HDGFL3: variants seen among roughly 807,000 people sequenced by gnomAD.
HDGFL3 encodes hepatoma-derived growth factor-related protein 3.
In HDGFL3, 6 loss-of-function variants were observed where a neutral mutation model predicts 27.6. The observed-to-expected ratio is 0.22, with a 90% CI of 0.12 to 0.43. The LOEUF (loss-of-function observed/expected upper bound fraction) is 0.43, where lower values mean the gene tolerates loss of function less well. Ranked by LOEUF, HDGFL3 falls within the 20% of genes least tolerant of loss-of-function variation. The probability of loss-of-function intolerance (pLI) is 1.00; values close to 1 mark genes in which losing one functional copy is unlikely to be tolerated. For missense variants in HDGFL3, 207 were observed against 250.1 expected, an observed-to-expected ratio of 0.83 and a Z score of 1.16; for synonymous variants, 88 against 88.9, an observed-to-expected ratio of 0.99 and a Z score of 0.05.
At chr15:83,113,145 C>T (rs2034347172) in exon 4 of HDGFL3, 2 of 555,996 alleles carry the variant, frequency 3.6e-6, no homozygotes, top group Non-Finnish European at 6.5e-6. Flanking sequence ...GGGCACCCTG[C>T]CAACCCCAGC....
chr15:83,149,691 C>A (rs1317152464), intron 5 of HDGFL3, among the ~76,000 whole-genome samples: 1 of 151,996 alleles, frequency 6.6e-6, no homozygotes, highest in Non-Finnish European at 1.5e-5. Context: ...GTTAAGTCAT[C>A]AGGAGGAGGA....
chr15:83,162,235 C>T (rs1431324173), intron 2 of HDGFL3, among the ~76,000 whole-genome samples: 1 of 152,118 alleles, frequency 6.6e-6, no homozygotes, highest in African/African-American at 2.4e-5. Flanking sequence ...AGAGGGTGAA[C>T]ATTCATACTT....
At chr15:83,121,881 A>C (rs1176113637) in intron 3 of HDGFL3, 1 of 1,498,840 alleles carries the variant, frequency 6.7e-7, no homozygotes, top group African/African-American at 1.4e-5. Flanking sequence ...TTCTAAGACA[A>C]ACATACCAAG....
downstream of HDGFL3, chr15:83,127,740 T>A (rs2035895197): frequency 2.7e-6 from 1 of 364,312 alleles, no homozygotes; most frequent in Admixed American, 4.8e-5. Context: ...TGCCCAAGGT[T>A]ACACACCCAG....
intron 1 of HDGFL3, among the ~76,000 whole-genome samples, chr15:83,203,279 A>G (rs2037672875): frequency 6.6e-6 from 1 of 152,014 alleles, no homozygotes; most frequent in African/African-American, 2.4e-5. Context: ...AAGAAAACAG[A>G]ATTTTGATTT....
At position 83,118,403 on chromosome 15, in the gene HDGFL3, G is replaced by A. The variant is rs138050153; in HGVS notation, c.394-2662C>T. ...TTAAAGATGCTCATCAAGCTACCAG[G>A]AGAGGCCAGCACTGGCTCAGAGAGC... On this transcript the variant is annotated intron_variant, in intron 3 of 3. Coordinates refer to the HDGFL3 transcript ENST00000568294. 1.5e-3 allele frequency among the ~76,000 whole-genome samples: 221 copies of A among 152,322 alleles called. 3 individuals carry two copies. In the South Asian group the frequency reaches 0.016, roughly 11 times the overall value.
At chr15:83,202,496 TATA>T (rs1441154515) in intron 1 of HDGFL3, among the ~76,000 whole-genome samples, 2 of 152,038 alleles carry the variant, frequency 1.3e-5, no homozygotes, top group Admixed American at 6.6e-5. Flanking sequence ...ATGAAGTTTC[TATA>T]ATAAGTCAAA....
At chr15:83,114,506 A>C (rs1329124544) in exon 4 of HDGFL3, 1 of 152,404 alleles carries the variant, frequency 6.6e-6, no homozygotes, top group Non-Finnish European at 1.5e-5. Flanking sequence ...ACTGCCAATG[A>C]GAACTGGGCC....
intron 5 of HDGFL3, among the ~76,000 whole-genome samples, chr15:83,144,197 G>A (rs542094242): frequency 1.3e-4 from 20 of 152,280 alleles, no homozygotes; most frequent in Admixed American, 7.8e-4. Context: ...TGGTAACCTT[G>A]TGATTTAGCG....
chr15:83,154,735 C>T (rs901531630), intron 4 of HDGFL3, among the ~76,000 whole-genome samples: 14 of 152,144 alleles, frequency 9.2e-5, no homozygotes, highest in Non-Finnish European at 2.1e-4. Context: ...TACAGTATAA[C>T]TATTCAATGT....
chr15:83,186,241 T>G (rs980680220), intron 1 of HDGFL3, among the ~76,000 whole-genome samples: 4 of 152,252 alleles, frequency 2.6e-5, no homozygotes, highest in African/African-American at 9.6e-5. Flanking sequence ...CAACTTGTTA[T>G]ACAGCAAAAT....
intron 1 of HDGFL3, among the ~76,000 whole-genome samples, chr15:83,164,392 A>AAAAAAAAAAAAAAAAAAAAAAT: frequency 6.6e-6 from 1 of 150,588 alleles, no homozygotes; most frequent in African/African-American, 2.4e-5. Context: ...AAAAAAAAAA[A>AAAAAAAAAAAAAAAAAAAAAAT]AAGAATACAA....
intron 2 of HDGFL3, among the ~76,000 whole-genome samples, chr15:83,161,978 T>A (rs2037107416): frequency 6.6e-6 from 1 of 152,136 alleles, no homozygotes; most frequent in South Asian, 2.1e-4. Context: ...GTCACCTACA[T>A]CAGAATTAGA....
At chr15:83,150,222 A>T (rs1217358621) in intron 5 of HDGFL3, among the ~76,000 whole-genome samples, 1 of 152,188 alleles carries the variant, frequency 6.6e-6, no homozygotes, top group East Asian at 1.9e-4. Flanking sequence ...TGCTACTTGC[A>T]TATTGAAGCG....
downstream of HDGFL3, among the ~76,000 whole-genome samples, chr15:83,127,154 A>T (rs565071824): frequency 1.3e-3 from 205 of 152,116 alleles, 1 homozygote; most frequent in Middle Eastern, 3.4e-3. Context: ...AGATTGCGCC[A>T]CTGCACTCCA....
chr15:83,191,180 T>C (rs2037506751), intron 1 of HDGFL3, among the ~76,000 whole-genome samples: 1 of 152,176 alleles, frequency 6.6e-6, no homozygotes, highest in African/African-American at 2.4e-5. Flanking sequence ...TTTGAACAAT[T>C]CTGTGTGTTG....
chr15:83,145,062 G>C (rs1596545598), intron 5 of HDGFL3, among the ~76,000 whole-genome samples: 1 of 151,578 alleles, frequency 6.6e-6, no homozygotes, highest in East Asian at 1.9e-4. Flanking sequence ...GAGCCTCTGG[G>C]AGCAAAAAGG....
chr15:83,176,000 TA>T (rs1165797099), intron 1 of HDGFL3, among the ~76,000 whole-genome samples: 2 of 152,234 alleles, frequency 1.3e-5, no homozygotes, highest in Non-Finnish European at 2.9e-5. Context: ...TTATTCCCTA[TA>T]ATGGGATGAT....
chr15:83,129,887 G>A lies in HDGFL3; in HGVS notation c.*9383C>T, dbSNP rs778376500. On this transcript the variant is annotated 3_prime_UTR_variant, in exon 6 of 6. Transcript: ENST00000299633. The stretch of plus-strand genomic sequence containing the variant: ...CCTTTTTTTTTGGCCTGGTTCCTCT[G>A]CCTTATTCTCCTGTATCCTTCAGAA... 6.6e-6 allele frequency: 1 copy of A among 152,232 alleles called. No individual in the cohort carries two copies. The highest frequency in any genetic ancestry group is 1.5e-5 in the Non-Finnish European group (1 of 68,122). The allele number at this position is 152,232 out of a possible 1,614,324, so 9.4% of individuals were successfully genotyped here.
Sources: allele counts gnomAD v4.1 joint callset (sites outside exome capture counted in the v4.1 genomes callset), GRCh38; gene constraint gnomAD v4.1.1; transcripts MANE v1.5; gene names NCBI Gene and HGNC (gene_info 2026-07-23, HGNC 2026-07-21).